The following VAV1 variants were observed in gnomAD, a reference collection of about 807,000 sequenced individuals.
The protein encoded by VAV1 is proto-oncogene vav.
VAV1 carries 33 observed loss-of-function variants against 128.1 expected under a neutral mutation model. That is an observed-to-expected ratio of 0.26 (90% CI 0.20 to 0.34). VAV1 has a LOEUF of 0.34. Among genes scored for constraint, VAV1 ranks in the 10% least tolerant of loss-of-function variants. The pLI is 1.00. For missense variants in VAV1, 715 were observed against 1,093.7 expected (o/e 0.65, Z 4.88); for synonymous variants, 394 against 409.8 (o/e 0.96, Z 0.47).
At position 6,820,614 on chromosome 19, in the gene VAV1, C is replaced by A; in HGVS notation, c.205-88C>A. The A allele has an allele frequency of 9.9e-7, 1 of 1,008,682 alleles. No homozygotes were observed. The allele number at this position is 1,008,682 out of a possible 1,614,324, so 62.5% of individuals were successfully genotyped here. A position where few individuals can be genotyped will look rare whatever the true frequency, so the allele number is the denominator to read the frequency against. ...GGTCTGTGCTTTCATTTCCCCTCCA[C>A]ACCAGTCCCCAAGCTAGGTGGCCTG... is the stretch of plus-strand genomic sequence containing the variant. On this transcript the variant is annotated intron_variant, in intron 1 of 26. Coordinates refer to ENST00000602142, the MANE Select transcript of VAV1 (RefSeq NM_005428.4). This position sits in a 1 kb window ranked among gnomAD's most constrained non-coding sequence, Gnocchi z 4.4.
intron 1 of VAV1, among the ~76,000 whole-genome samples, chr19:6,808,407 T>C (rs1015851387): frequency 2.6e-5 from 4 of 152,080 alleles, no homozygotes; most frequent in Admixed American, 2.6e-4. Flanking sequence ...CTTGGCAAAC[T>C]AGGAGGTAAG....
intron 1 of VAV1, among the ~76,000 whole-genome samples, chr19:6,803,716 C>T (rs1192497977): frequency 1.3e-5 from 2 of 152,066 alleles, no homozygotes; most frequent in Non-Finnish European, 2.9e-5. Context: ...TGGCACCTGC[C>T]ACCACACCTG....
At chr19:6,787,573 GATTTATTTATTTATTTATTTATTT>G (rs74174839) in intron 1 of VAV1, among the ~76,000 whole-genome samples, 1 of 147,090 alleles carries the variant, frequency 6.8e-6, no homozygotes, top group African/African-American at 2.5e-5. Flanking sequence ...AACTACTCCA[GATTTATTTATTTATTTATTTATTT>G]ATTTATTTAT....
chr19:6,831,263 G>A (rs988815540), intron 14 of VAV1, among the ~76,000 whole-genome samples: 10 of 151,980 alleles, frequency 6.6e-5, no homozygotes, highest in Non-Finnish European at 1.0e-4. Flanking sequence ...GAACTCTTCC[G>A]TTCGCTTCAG....
Position 6,795,055 on chromosome 19 carries a change from A to C in VAV1, c.204+22044A>C, listed in dbSNP as rs187967687. On this transcript the variant is annotated intron_variant, in intron 1 of 26. Transcript: ENST00000602142. Reference sequence around the variant, plus strand: ...CGGGTTTCAAGAAACCCGGAGAGAGAGCAAGTATTCCTCAAAAAGATCAAG... The same window carrying C: ...CGGGTTTCAAGAAACCCGGAGAGAGCGCAAGTATTCCTCAAAAAGATCAAG... Among the ~76,000 whole-genome samples, 258 of 152,230 alleles carry C rather than the reference A, an allele frequency of 1.7e-3. 1 individual carries two copies. Among genetic ancestry groups the C allele is most frequent in the African/African-American group, 5.5e-3 (230 of 41,532 alleles).
chr19:6,776,233 C>T (rs1174121197), intron 1 of VAV1, among the ~76,000 whole-genome samples: 6 of 149,750 alleles, frequency 4.0e-5, no homozygotes, highest in African/African-American at 1.5e-4. Flanking sequence ...TCCATCCACT[C>T]ATCTATCCAT....
At chr19:6,830,640 A>G (rs1225683878) in intron 14 of VAV1, among the ~76,000 whole-genome samples, 1 of 151,790 alleles carries the variant, frequency 6.6e-6, no homozygotes, top group African/African-American at 2.4e-5. Flanking sequence ...AGGTTTCACC[A>G]TGTTGGCCAG....
At chr19:6,773,277 C>G (rs1007936836) in intron 1 of VAV1, among the ~76,000 whole-genome samples, 3 of 152,106 alleles carry the variant, frequency 2.0e-5, no homozygotes, top group African/African-American at 7.2e-5. Flanking sequence ...GGTTAACTCT[C>G]TCAAGCCCCA....
intron 1 of VAV1, among the ~76,000 whole-genome samples, chr19:6,805,581 G>GATAT (rs1555700373): frequency 4.4e-5 from 1 of 22,638 alleles, no homozygotes; most frequent in African/African-American, 1.0e-4. Context: ...CATTTCTACA[G>GATAT]ATACACACAC....
chr19:6,843,121 C>G lies in VAV1; in HGVS notation c.1981-14C>G, dbSNP rs765074663. On this transcript the variant is annotated splice_polypyrimidine_tract_variant and intron_variant, in intron 21 of 26. Transcript: ENST00000602142. ...GTCTTTACACTAAGTTGGGGTCTCTCTCTGTATTCTTAGGGCCCTCCTCAG... is the reference window on the plus strand; with the variant it reads ...GTCTTTACACTAAGTTGGGGTCTCTGTCTGTATTCTTAGGGCCCTCCTCAG... 1.9e-6 allele frequency: 3 copies of G among 1,614,052 alleles called. No homozygotes were observed. The highest frequency in any genetic ancestry group is 2.5e-6 in the Non-Finnish European group (3 of 1,179,992).
intron 21 of VAV1, among the ~76,000 whole-genome samples, chr19:6,839,039 A>T (rs1972302131): frequency 1.3e-5 from 2 of 151,996 alleles, no homozygotes; most frequent in Non-Finnish European, 1.5e-5. Context: ...AGTAGCTAGG[A>T]TTACAGGCGC....
intron 21 of VAV1, among the ~76,000 whole-genome samples, chr19:6,837,968 GT>G (rs1052799242): frequency 6.6e-6 from 1 of 151,800 alleles, no homozygotes. Context: ...AAATTTTTTT[GT>G]TCCTATGGTT....
chr19:6,787,013 GCTGT>G (rs1023256825), intron 1 of VAV1, among the ~76,000 whole-genome samples: 9 of 143,174 alleles, frequency 6.3e-5, no homozygotes, highest in East Asian at 2.0e-4. Context: ...TTGTTGACAC[GCTGT>G]CTATTTTTTT....
chr19:6,817,913 C>T (rs1384148680), intron 1 of VAV1, among the ~76,000 whole-genome samples: 2 of 152,096 alleles, frequency 1.3e-5, no homozygotes, highest in Non-Finnish European at 2.9e-5. Flanking sequence ...GTCTCGATCT[C>T]CTGACCTCGT....
chr19:6,837,166 A>AGGTC (rs1972244023), intron 21 of VAV1, 116 bp downstream of exon 21: 1 of 1,088,514 alleles, frequency 9.2e-7, no homozygotes, highest in Non-Finnish European at 1.4e-6. Flanking sequence ...CCATCATGGC[A>AGGTC]GGTCTTTCTC....
At chr19:6,818,515 T>C (rs1208454521) in intron 1 of VAV1, among the ~76,000 whole-genome samples, 1 of 152,182 alleles carries the variant, frequency 6.6e-6, no homozygotes, top group Non-Finnish European at 1.5e-5. Context: ...CATGCACTGT[T>C]CTCTCTTCTT....
rs1851502631 is a variant in VAV1 at position 6,779,418 on chromosome 19, A to G, written c.204+6407A>G. On this transcript the variant is annotated intron_variant, in intron 1 of 26. Transcript: ENST00000602142. ...GATGACACATGCCACCCACTGCTCT[A>G]TGCTTGCTTTCCTCACTAATCACCT... Among the ~76,000 whole-genome samples the G allele has an allele frequency of 1.3e-5, 2 of 151,100 alleles. 1 individual carries two copies. The highest frequency in any genetic ancestry group is 3.0e-5 in the Non-Finnish European group (2 of 67,506).
Position 6,772,785 on chromosome 19 carries a change from C to T in VAV1, c.-23C>T. 1.2e-6 allele frequency: 2 copies of T among 1,607,114 alleles called. No homozygotes were observed. The highest frequency in any genetic ancestry group is 1.7e-6 in the Non-Finnish European group (2 of 1,177,034). The stretch of plus-strand genomic sequence containing the variant: ...TGGTGGAGGCTGCGAGGGTGCACGG[C>T]CGGCCCTGGGCAGGCGGTAGCCATG... On this transcript the variant is annotated 5_prime_UTR_variant, in exon 1 of 27. Transcript: ENST00000602142. This position sits in a 1 kb window ranked among gnomAD's most constrained non-coding sequence, Gnocchi z 4.8.
At chr19:6,846,333 T>G (rs1972521247) in intron 22 of VAV1, among the ~76,000 whole-genome samples, 1 of 151,506 alleles carries the variant, frequency 6.6e-6, no homozygotes, top group African/African-American at 2.4e-5. Flanking sequence ...ATGCCTGTAA[T>G]CCCAGCACTT....
Sources: allele counts gnomAD v4.1 joint callset (sites outside exome capture counted in the v4.1 genomes callset), GRCh38; gene constraint gnomAD v4.1.1; non-coding constraint Gnocchi (gnomAD v3.1); transcripts MANE v1.5; gene names NCBI Gene and HGNC (gene_info 2026-07-23, HGNC 2026-07-21).